The following CDK13 variants were observed in gnomAD, a reference collection of about 807,000 sequenced individuals.
CDK13 encodes cyclin dependent kinase 13.
Under a neutral mutation model 137.6 loss-of-function variants are expected in CDK13, and 40 were observed. The ratio of observed to expected loss-of-function variants is 0.29; its 90% CI spans 0.23 to 0.38. CDK13 has a LOEUF of 0.38. CDK13 is among the 10% of genes least tolerant of loss of function. The probability of loss-of-function intolerance (pLI) is 1.00; values close to 1 mark genes in which losing one functional copy is unlikely to be tolerated. For missense variants in CDK13, 1,704 were observed against 1,951.8 expected (o/e 0.87, Z 2.39); for synonymous variants, 869 against 760.1 (o/e 1.14, Z -2.36).
Position 40,077,724 on chromosome 7 carries a change from C to T in CDK13, c.2781-281C>T, listed in dbSNP as rs17496627. Among the ~76,000 whole-genome samples the T allele has an allele frequency of 4.6e-3, 707 of 152,080 alleles. 8 individuals are homozygous for T. Among genetic ancestry groups the T allele is most frequent in the East Asian group, 0.03 (153 of 5,156 alleles). Reference sequence around the variant, plus strand: ...ACAAAAACTAGCTGGGCCGTGGTGGCGCATGCCTATAATCCCAGCTACTCA... The same window carrying T: ...ACAAAAACTAGCTGGGCCGTGGTGGTGCATGCCTATAATCCCAGCTACTCA... On this transcript the variant is annotated intron_variant, in intron 9 of 13. Coordinates refer to ENST00000181839, the MANE Select transcript of CDK13 (RefSeq NM_003718.5).
At chr7:40,057,081 C>G (rs144590116) in intron 7 of CDK13, among the ~76,000 whole-genome samples, 1 of 152,130 alleles carries the variant, frequency 6.6e-6, no homozygotes, top group Non-Finnish European at 1.5e-5. Context: ...ATGGTGAAAC[C>G]GCATCTCTAC....
In CDK13 at chr7:40,062,942, T is replaced by C; in HGVS notation, c.2702+15T>C. The stretch of plus-strand genomic sequence containing the variant: ...TGGAGCTGTGGGTAAGATAGCCTTA[T>C]TTACTGGTTTATTTTACTTGAAACT... On this transcript the variant is annotated intron_variant, in intron 8 of 13. Coordinates refer to ENST00000181839, the MANE Select transcript of CDK13 (RefSeq NM_003718.5). 6.2e-7 allele frequency: 1 copy of C among 1,606,486 alleles called. No homozygotes were observed. Among genetic ancestry groups the C allele is most frequent in the South Asian group, 1.1e-5 (1 of 90,910 alleles).
chr7:40,078,191 T>A, intron 10 of CDK13, 70 bp downstream of exon 10: 9 of 781,248 alleles, frequency 1.2e-5, no homozygotes, highest in Non-Finnish European at 1.9e-5. Flanking sequence ...ATTATAAATG[T>A]TAGTCTATTC....
intron 1 of CDK13, among the ~76,000 whole-genome samples, chr7:39,953,812 G>T (rs1216533536): frequency 6.6e-6 from 1 of 152,174 alleles, no homozygotes; most frequent in African/African-American, 2.4e-5. Context: ...TTTGGTATGT[G>T]CCTGAAATAC....
intron 2 of CDK13, among the ~76,000 whole-genome samples, chr7:39,993,913 T>TAA (rs1423713827): frequency 9.2e-5 from 14 of 152,106 alleles, no homozygotes; most frequent in African/African-American, 3.4e-4. Context: ...GAAATTGCCT[T>TAA]AACAGTTTTG....
intron 5 of CDK13, among the ~76,000 whole-genome samples, chr7:40,024,840 T>A (rs1785210553): frequency 2.0e-5 from 3 of 152,074 alleles, no homozygotes; most frequent in African/African-American, 4.8e-5. Context: ...ATTTTTGTAT[T>A]TTTAGTAAAG....
At chr7:40,040,243 T>G (rs1020926641) in intron 5 of CDK13, among the ~76,000 whole-genome samples, 14 of 152,304 alleles carry the variant, frequency 9.2e-5, no homozygotes, top group Non-Finnish European at 1.0e-4. Context: ...GACAGACAAG[T>G]TTTATCTTTT....
intron 5 of CDK13, among the ~76,000 whole-genome samples, chr7:40,039,079 C>CT (rs1424446818): frequency 6.6e-6 from 1 of 152,146 alleles, no homozygotes; most frequent in African/African-American, 2.4e-5. Flanking sequence ...CTAATTGTCT[C>CT]TCTTTCTCAC....
chr7:40,041,240 C>A (rs1231373425), intron 5 of CDK13, among the ~76,000 whole-genome samples: 5 of 152,136 alleles, frequency 3.3e-5, no homozygotes, highest in African/African-American at 9.7e-5. Context: ...GCATGAGAAT[C>A]ACTTGAACCC....
intron 1 of CDK13, among the ~76,000 whole-genome samples, chr7:39,974,640 C>T (rs1474411463): frequency 6.6e-6 from 1 of 151,318 alleles, no homozygotes; most frequent in Admixed American, 6.6e-5. Context: ...TCTTGGCTCA[C>T]TGCAACTCTG....
At chr7:40,032,945 T>C (rs1471775329) in intron 5 of CDK13, among the ~76,000 whole-genome samples, 2 of 152,216 alleles carry the variant, frequency 1.3e-5, no homozygotes, top group Non-Finnish European at 2.9e-5. Context: ...GGGATTTTGA[T>C]TGGGATTGCT....
chr7:39,974,271 G>A (rs1033082715), intron 1 of CDK13, among the ~76,000 whole-genome samples: 4 of 150,796 alleles, frequency 2.7e-5, no homozygotes, highest in African/African-American at 9.8e-5. Context: ...TCACTATGTT[G>A]CTCAGGGTGG....
chr7:39,966,714 C>T (rs1783880607), intron 1 of CDK13, among the ~76,000 whole-genome samples: 1 of 152,054 alleles, frequency 6.6e-6, no homozygotes, highest in Non-Finnish European at 1.5e-5. Flanking sequence ...TTCAGTTTTT[C>T]CGCTCTGTTT....
chr7:39,975,264 A>G (rs1442877849), intron 1 of CDK13, among the ~76,000 whole-genome samples: 1 of 151,894 alleles, frequency 6.6e-6, no homozygotes, highest in East Asian at 1.9e-4. Context: ...AAATACAAAA[A>G]TTTGCCGGGC....
rs374654969 is a variant in CDK13 at position 39,951,514 on chromosome 7, G to A, written c.873G>A (p.Ser291=). The A allele has an allele frequency of 6.5e-7, 1 of 1,533,546 alleles. No homozygotes were observed. Among genetic ancestry groups the A allele is most frequent in the Admixed American group, 2.1e-5 (1 of 47,818 alleles). The allele number at this position is 1,533,546 out of a possible 1,614,324, so 95.0% of individuals were successfully genotyped here. A position where few individuals can be genotyped will look rare whatever the true frequency, so the allele number is the denominator to read the frequency against. Residue 291 remains serine, a synonymous_variant, in exon 1 of 14, where the codon TCG becomes TCA. Coordinates refer to ENST00000181839, the MANE Select transcript of CDK13 (RefSeq NM_003718.5). ...CTAAGTCGTCCAAGGAGCCGCCTTC[G>A]GCCTACAAGGAACCGCCCAAGGCCT... ...SRTKSSKEPP[S]AYKEPPKAYR...
intron 12 of CDK13, among the ~76,000 whole-genome samples, chr7:40,089,723 A>AGTGTGTGTGTGT (rs142023627): frequency 3.2e-5 from 4 of 125,154 alleles, no homozygotes; most frequent in African/African-American, 1.8e-4. Context: ...AGAGAGAGAG[A>AGTGTGTGTGTGT]GTGTGTGTGT....
intron 1 of CDK13, among the ~76,000 whole-genome samples, chr7:39,958,115 A>G (rs953350671): frequency 1.3e-5 from 2 of 152,172 alleles, no homozygotes; most frequent in Non-Finnish European, 2.9e-5. Context: ...TTTGGAAAGT[A>G]AAATTGATGT....
Position 40,053,989 on chromosome 7 carries a change from G to C in CDK13, c.2600+6112G>C, listed in dbSNP as rs188765412. Among the ~76,000 whole-genome samples the C allele has an allele frequency of 1.4e-4, 21 of 152,198 alleles. 1 individual carries two copies. The East Asian group carries it at 4.1e-3, about 29-fold the overall frequency. The stretch of plus-strand genomic sequence containing the variant: ...TAAGTAGTAGAGCTCAGGATCTTTT[G>C]ACAGAAAGATTATTTTCATTATATG... On this transcript the variant is annotated intron_variant, in intron 7 of 13. Coordinates refer to ENST00000181839, the MANE Select transcript of CDK13 (RefSeq NM_003718.5).
intron 5 of CDK13, among the ~76,000 whole-genome samples, chr7:40,044,317 C>CA (rs1785684465): frequency 6.9e-6 from 1 of 144,482 alleles, no homozygotes. Context: ...AAGTCTTTTG[C>CA]TTTTTTTTTT....
Sources: gnomAD v4.1 joint callset for allele counts (sites outside exome capture counted in the v4.1 genomes callset) on GRCh38, gnomAD v4.1.1 for gene constraint, MANE v1.5 for transcripts, NCBI Gene and HGNC (gene_info 2026-07-23, HGNC 2026-07-21) for gene names.